The following LANCL2 variants were observed in gnomAD, a reference collection of about 807,000 sequenced individuals.
LANCL2 encodes lanC-like protein 2.
LANCL2 carries 33 observed loss-of-function variants against 56.9 expected under a neutral mutation model. The observed-to-expected ratio is 0.58, with a 90% confidence interval of 0.44 to 0.78. The LOEUF (loss-of-function observed/expected upper bound fraction) is 0.78. Ranked by LOEUF, LANCL2 falls within the 30% of genes least tolerant of loss-of-function variation. The pLI is 0.00. For synonymous variants in LANCL2, 233 were observed against 228.2 expected, an observed-to-expected ratio of 1.02 and a Z score of -0.19; for missense variants, 562 against 580.2, an observed-to-expected ratio of 0.97 and a Z score of 0.32.
chr7:55,396,765 AT>A (rs1387249238), intron 2 of LANCL2, among the ~76,000 whole-genome samples: 1 of 152,146 alleles, frequency 6.6e-6, no homozygotes, highest in African/African-American at 2.4e-5. Context: ...AGCATTAAGT[AT>A]ATATAACTGT....
intron 6 of LANCL2, among the ~76,000 whole-genome samples, chr7:55,420,997 T>A (rs960343892): frequency 1.3e-5 from 2 of 152,234 alleles, no homozygotes; most frequent in African/African-American, 4.8e-5. Context: ...GTTCCTTTTA[T>A]CTCTGGTAAT....
At chr7:55,402,794 T>C (rs1790355558) in intron 5 of LANCL2, among the ~76,000 whole-genome samples, 3 of 115,452 alleles carry the variant, frequency 2.6e-5, no homozygotes, top group South Asian at 2.7e-4. Flanking sequence ...GTCTCCTCAC[T>C]TCTCAGACGG....
intron 1 of LANCL2, among the ~76,000 whole-genome samples, chr7:55,385,176 A>G (rs57598695): frequency 0.05 from 7,604 of 152,146 alleles, 642 homozygotes; most frequent in African/African-American, 0.17. Flanking sequence ...GACAGGAGTG[A>G]AACCCCGTCT....
At chr7:55,379,682 T>C (rs1056286771) in intron 1 of LANCL2, 2 of 152,690 alleles carry the variant, frequency 1.3e-5, no homozygotes, top group Admixed American at 6.5e-5. Context: ...AGGCCTAAGT[T>C]ACTAACATGG....
chr7:55,366,147 C>T lies in LANCL2; in HGVS notation c.122C>T (p.Ser41Phe), dbSNP rs1168974723. The change falls in exon 1 of 9, where the codon TCC (serine) becomes TTC (phenylalanine). Residue 41 changes from serine to phenylalanine, a missense_variant. This residue lies in a region of LANCL2 where 184 missense variants were observed against 111.8 expected (regional missense o/e 1.65). Coordinates refer to ENST00000254770, the MANE Select transcript of LANCL2 (RefSeq NM_018697.4). ...YEAAAGALLA[S>F]GAAEETGCVR... ...GCCGCCGCCGGGGCGCTGCTCGCCT[C>T]CGGAGCGGCCGAAGAGACAGGCTGT... is the stretch of plus-strand genomic sequence containing the variant. The T allele has an allele frequency of 3.9e-6, 6 of 1,551,150 alleles. No individual in the cohort carries two copies. Among genetic ancestry groups the T allele is most frequent in the South Asian group, 1.2e-5 (1 of 84,032 alleles).
intron 6 of LANCL2, among the ~76,000 whole-genome samples, chr7:55,416,969 GTTTTTTTTTTTTTT>G (rs869116156): frequency 2.4e-5 from 2 of 81,648 alleles, no homozygotes; most frequent in South Asian, 7.0e-4. Context: ...AAACGAGGTG[GTTTTTTTTTTTTTT>G]TTTTTTTTTT....
intron 5 of LANCL2, among the ~76,000 whole-genome samples, chr7:55,404,889 C>T (rs930542660): frequency 3.3e-5 from 5 of 152,202 alleles, no homozygotes; most frequent in Non-Finnish European, 7.3e-5. Context: ...ACTGGGATTA[C>T]AGGCTTGTGA....
In LANCL2 at chr7:55,401,272, C is replaced by T. The variant is rs377444813; in HGVS notation, c.777C>T (p.Tyr259=). The T allele has an allele frequency of 1.8e-5, 29 of 1,614,076 alleles. No individual in the cohort carries two copies. The highest frequency in any genetic ancestry group is 1.0e-4 in the Admixed American group (6 of 60,024). Residue 259 remains tyrosine (Y), a synonymous_variant, in exon 5 of 9, where the codon TAC becomes TAT. Transcript: ENST00000254770. ...TGTACCAGTGGCACCGGAAGCAGTA[C>T]GTTGGAGCAGCCCATGGCATGGCTG... The part of the protein sequence containing the change: ...PLLYQWHRKQ[Y]VGAAHGMAGI...
chr7:55,399,908 A>G, intron 3 of LANCL2, 49 bp from the exon 4 acceptor site: 2 of 1,504,970 alleles, frequency 1.3e-6, no homozygotes, highest in Non-Finnish European at 1.8e-6. Context: ...TTCAGGAAGA[A>G]GTACTTTAGA....
intron 2 of LANCL2, chr7:55,397,030 G>A (rs574628503): frequency 1.3e-5 from 2 of 151,992 alleles, no homozygotes; most frequent in African/African-American, 2.4e-5. Flanking sequence ...TTTCATATCC[G>A]TTTGACTCAA....
intron 2 of LANCL2, among the ~76,000 whole-genome samples, chr7:55,392,333 C>CTT (rs71031842): frequency 3.0e-4 from 41 of 136,240 alleles, no homozygotes; most frequent in Non-Finnish European, 3.9e-4. Context: ...TTTTTTTTTT[C>CTT]TTTTTTTTTT....
chr7:55,398,000 C>G (rs1790276466), intron 2 of LANCL2, among the ~76,000 whole-genome samples: 1 of 151,928 alleles, frequency 6.6e-6, no homozygotes, highest in African/African-American at 2.4e-5. Flanking sequence ...TTCAGAAAAG[C>G]AATCATTTGG....
At chr7:55,393,960 T>A (rs1416013504) in intron 2 of LANCL2, 3 of 152,180 alleles carry the variant, frequency 2.0e-5, no homozygotes, top group Non-Finnish European at 4.4e-5. Flanking sequence ...ACAAGCCTTT[T>A]ATTTACAGCT....
intron 1 of LANCL2, among the ~76,000 whole-genome samples, chr7:55,374,437 A>G (rs1286948626): frequency 6.6e-6 from 1 of 152,238 alleles, no homozygotes; most frequent in African/African-American, 2.4e-5. Context: ...AAATAGCGTT[A>G]TCTTGATAGA....
In LANCL2 at chr7:55,365,757, C is replaced by A. The variant is rs1789851535; in HGVS notation, c.-269C>A. 2 of 341,012 alleles carry A rather than the reference C, an allele frequency of 5.9e-6. No homozygotes were observed. The highest frequency in any genetic ancestry group is 8.6e-5 in the East Asian group (2 of 23,170). 21.1% of individuals were successfully genotyped at this position (341,012 alleles called of 1,614,324 possible). A position where few individuals can be genotyped will look rare whatever the true frequency, so the allele number is the denominator to read the frequency against. The stretch of plus-strand genomic sequence containing the variant: ...GGCTGTGAGCCGCTGGGCGCTCCCG[C>A]GAGCCCGCTCCTCTCCGTCGGGAGC... On this transcript the variant is annotated 5_prime_UTR_variant, in exon 1 of 9. Transcript: ENST00000254770.
At chr7:55,396,200 TA>T (rs1294928698) in intron 2 of LANCL2, among the ~76,000 whole-genome samples, 1 of 151,904 alleles carries the variant, frequency 6.6e-6, no homozygotes, top group African/African-American at 2.4e-5. Context: ...GACCCAGTCA[TA>T]GGGGGCTCTC....
chr7:55,413,336 AC>A (rs1341007808), intron 6 of LANCL2, among the ~76,000 whole-genome samples: 2 of 152,248 alleles, frequency 1.3e-5, no homozygotes, highest in Non-Finnish European at 2.9e-5. Context: ...GCCCTCTGAT[AC>A]TTTTAAAACA....
chr7:55,412,923 C>A (rs1790487070), intron 6 of LANCL2, among the ~76,000 whole-genome samples: 1 of 152,090 alleles, frequency 6.6e-6, no homozygotes, highest in Non-Finnish European at 1.5e-5. Context: ...AGAACTGATA[C>A]CTGAGTCAAT....
At chr7:55,424,913 C>T (rs34160341) in intron 6 of LANCL2, among the ~76,000 whole-genome samples, 41,631 of 152,112 alleles carry the variant, frequency 0.27, 6,206 homozygotes, top group Non-Finnish European at 0.33. Flanking sequence ...ATCTAGGTTG[C>T]GCGCTCCTTA....
Sources: allele counts gnomAD v4.1 joint callset (sites outside exome capture counted in the v4.1 genomes callset), GRCh38; gene constraint gnomAD v4.1.1; regional missense constraint gnomAD v4.1.1; transcripts MANE v1.5; gene names NCBI Gene and HGNC (gene_info 2026-07-23, HGNC 2026-07-21).